Variants in CDCA7 observed in about 807,000 individuals in gnomAD.
CDCA7 encodes the protein cell division cycle associated 7.
A neutral mutation model predicts 54.0 loss-of-function variants in CDCA7; 28 were observed. The ratio of observed to expected loss-of-function variants is 0.52; its 90% CI spans 0.38 to 0.71. The LOEUF (loss-of-function observed/expected upper bound fraction) is 0.71, where lower values mean the gene tolerates loss of function less well. Ranked by LOEUF, CDCA7 falls within the 30% of genes least tolerant of loss-of-function variation. The probability of loss-of-function intolerance (pLI) is 0.00; values close to 1 mark genes in which losing one functional copy is unlikely to be tolerated. For missense variants in CDCA7, 484 were observed against 586.0 expected (o/e 0.83, Z 1.80); for synonymous variants, 180 against 208.2 (o/e 0.86, Z 1.16).
At chr2:173,359,626 T>C (rs1249137631) in intron 3 of CDCA7, 135 bp downstream of exon 3, 11 of 727,234 alleles carry the variant, frequency 1.5e-5, no homozygotes, top group Non-Finnish European at 2.3e-6. Context: ...AAATTTTTAG[T>C]GTTTTCTTCA....
chr2:173,364,209 C>T (rs1032958385), intron 5 of CDCA7: 7 of 241,162 alleles, frequency 2.9e-5, no homozygotes, highest in Non-Finnish European at 5.5e-5. Flanking sequence ...TGAGCACATT[C>T]CTCCTACATG....
chr2:173,357,493 A>G (rs765360561), intron 1 of CDCA7, among the ~76,000 whole-genome samples: 11 of 152,096 alleles, frequency 7.2e-5, no homozygotes, highest in Non-Finnish European at 1.5e-4. Context: ...CTTTGTAAGG[A>G]CTTCTGTGGA....
chr2:173,365,395 A>T, intron 6 of CDCA7, 57 bp from the exon 7 acceptor site: 1 of 1,539,606 alleles, frequency 6.5e-7, no homozygotes, highest in Non-Finnish European at 8.8e-7. Context: ...TTCAGTTTTG[A>T]ATCTCTTTCA....
intron 1 of CDCA7, among the ~76,000 whole-genome samples, chr2:173,355,316 T>C (rs973562287): frequency 2.6e-5 from 4 of 152,142 alleles, no homozygotes; most frequent in Non-Finnish European, 4.4e-5. Context: ...CGATTTTGCC[T>C]GCCAGGCAGA....
At position 173,354,911 on chromosome 2, in the gene CDCA7, C is replaced by T; in HGVS notation, c.-53C>T. ...TCCTGCTGTGGGACCGCTGACCGCG[C>T]GGCTGCTCCGCTCTCCCCGCTCCAA... On this transcript the variant is annotated 5_prime_UTR_variant, in exon 1 of 10. Coordinates refer to ENST00000306721, the MANE Select transcript of CDCA7 (RefSeq NM_031942.5). 3 of 1,477,718 alleles carry T rather than the reference C, an allele frequency of 2.0e-6. No individual in the cohort carries two copies. Among genetic ancestry groups the T allele is most frequent in the Non-Finnish European group, 2.7e-6 (3 of 1,121,920 alleles). The allele number at this position is 1,477,718 out of a possible 1,614,324, so 91.5% of individuals were successfully genotyped here.
intron 3 of CDCA7, among the ~76,000 whole-genome samples, chr2:173,362,662 C>T (rs1686643973): frequency 6.6e-6 from 1 of 151,222 alleles, no homozygotes; most frequent in Non-Finnish European, 1.5e-5. Context: ...TGAGCCTCTG[C>T]CCCCTGGGCT....
intron 3 of CDCA7, among the ~76,000 whole-genome samples, chr2:173,362,693 G>A (rs1686644728): frequency 6.6e-6 from 1 of 151,118 alleles, no homozygotes; most frequent in African/African-American, 2.4e-5. Context: ...ACCCACCTCA[G>A]CCTTCCAAGT....
intron 3 of CDCA7, among the ~76,000 whole-genome samples, chr2:173,362,619 G>T: frequency 6.9e-6 from 1 of 144,540 alleles, no homozygotes. Context: ...CTGTAACCCA[G>T]CCCTGGCATA....
At position 173,362,110 on chromosome 2, in the gene CDCA7, C is replaced by T. The variant is rs371644900; in HGVS notation, c.385-1116C>T. Among the ~76,000 whole-genome samples, 7 of 152,198 alleles carry T rather than the reference C, an allele frequency of 4.6e-5. No homozygotes were observed. In the East Asian group the frequency reaches 9.6e-4, roughly 21 times the overall value. On this transcript the variant is annotated intron_variant, in intron 3 of 9. Coordinates refer to ENST00000306721, the MANE Select transcript of CDCA7 (RefSeq NM_031942.5). ...GGGATTATAGGCATGAGCTACCGCA[C>T]CCAGCCTTGCATTGTGATTTTGATT... is the stretch of plus-strand genomic sequence containing the variant.
At chr2:173,360,182 G>A (rs1686592841) in intron 3 of CDCA7, among the ~76,000 whole-genome samples, 1 of 152,198 alleles carries the variant, frequency 6.6e-6, no homozygotes, top group Non-Finnish European at 1.5e-5. Context: ...TGGATCCACT[G>A]CCTGAGGTTC....
chr2:173,357,859 G>C (rs1013435041), intron 1 of CDCA7, among the ~76,000 whole-genome samples: 23 of 152,128 alleles, frequency 1.5e-4, no homozygotes, highest in Admixed American at 6.5e-5. Flanking sequence ...TGAATAAATT[G>C]ATAAATGTCT....
intron 2 of CDCA7, 90 bp from the exon 3 acceptor site, chr2:173,359,165 A>C (rs1686570237): frequency 1.3e-5 from 14 of 1,043,036 alleles, no homozygotes; most frequent in Non-Finnish European, 2.0e-5. Context: ...TGCACTTGTA[A>C]ATGTGATTTG....
chr2:173,355,574 T>C (rs1345884795), intron 1 of CDCA7, among the ~76,000 whole-genome samples: 1 of 152,182 alleles, frequency 6.6e-6, no homozygotes, highest in Non-Finnish European at 1.5e-5. Context: ...GCGACCGTAG[T>C]CCCGGGCGGT....
Position 173,366,495 on chromosome 2 carries a change from C to G in CDCA7, c.1185+63C>G. The stretch of plus-strand genomic sequence containing the variant: ...GGTCAGCCACAAACTGTGATGAGGC[C>G]AGAAAAAGGCATTGGTGAAGGGGTG... On this transcript the variant is annotated intron_variant, in intron 8 of 9. Coordinates refer to ENST00000306721, the MANE Select transcript of CDCA7 (RefSeq NM_031942.5). This position sits in a 1 kb window ranked among gnomAD's most constrained non-coding sequence, Gnocchi z 4.5. The G allele has an allele frequency of 6.3e-7, 1 of 1,581,496 alleles. No homozygotes were observed. The highest frequency in any genetic ancestry group is 1.7e-4 in the Middle Eastern group (1 of 5,886).
Position 173,367,674 on chromosome 2 carries a change from A to G in CDCA7, c.*10A>G. 1.2e-6 allele frequency: 2 copies of G among 1,614,076 alleles called. No individual in the cohort carries two copies. Among genetic ancestry groups the G allele is most frequent in the Non-Finnish European group, 1.7e-6 (2 of 1,179,966 alleles). ...TGAAATGCAAGCATAATATCTGGAA[A>G]ATTTGCTGCCTGCCTTCTACTTCTC... On this transcript the variant is annotated 3_prime_UTR_variant, in exon 10 of 10. Transcript: ENST00000306721.
chr2:173,358,221 T>A (rs1337378144), intron 1 of CDCA7, among the ~76,000 whole-genome samples: 6 of 149,448 alleles, frequency 4.0e-5, no homozygotes, highest in Non-Finnish European at 8.9e-5. Context: ...AAAAAAGAAT[T>A]TGACCTGGTT....
intron 1 of CDCA7, among the ~76,000 whole-genome samples, chr2:173,355,560 T>A (rs539067165): frequency 6.6e-6 from 1 of 152,308 alleles, no homozygotes; most frequent in African/African-American, 2.4e-5. Flanking sequence ...GCACGCAGTG[T>A]GAAGCGACCG....
In CDCA7 at chr2:173,367,277, A is replaced by G; in HGVS notation, c.1313A>G (p.Tyr438Cys). ...CATGGCTTTGGGAATGTGCATGCCT[A>G]CTTGAAAAGGTAGTGGGTGTTTTTT... ...KYHGFGNVHA[Y>C]LKSLKQEFEM... The change falls in exon 9 of 10, where the codon TAC (tyrosine) becomes TGC (cysteine). Residue 438 changes from tyrosine to cysteine, a missense_variant. This residue lies in a region of CDCA7 where 83 missense variants were observed against 122.3 expected (regional missense o/e 0.68). Coordinates refer to ENST00000306721, the MANE Select transcript of CDCA7 (RefSeq NM_031942.5). 1 of 1,614,038 alleles carries G rather than the reference A, an allele frequency of 6.2e-7. No homozygotes were observed. The highest frequency in any genetic ancestry group is 2.2e-5 in the East Asian group (1 of 44,876).
At chr2:173,361,672 G>A (rs1190727757) in intron 3 of CDCA7, among the ~76,000 whole-genome samples, 2 of 151,644 alleles carry the variant, frequency 1.3e-5, no homozygotes, top group South Asian at 2.1e-4. Context: ...GACTGGTCTC[G>A]AACTCCTGAC....
Sources: gnomAD v4.1 joint callset for allele counts (sites outside exome capture counted in the v4.1 genomes callset) on GRCh38, gnomAD v4.1.1 for gene constraint, gnomAD v4.1.1 regional missense constraint, Gnocchi (gnomAD v3.1) non-coding constraint, MANE v1.5 for transcripts, NCBI Gene and HGNC (gene_info 2026-07-23, HGNC 2026-07-21) for gene names.